Variants in MALRD1 observed in about 807,000 individuals in gnomAD.
The protein encoded by MALRD1 is MAM and LDL-receptor class A domain-containing protein 1.
In MALRD1, 247 loss-of-function variants were observed where a neutral mutation model predicts 242.1. That is an observed-to-expected ratio of 1.02 (90% CI 0.92 to 1.13). MALRD1 has a LOEUF of 1.13. MALRD1 is among the 50% of genes most tolerant of loss of function. The pLI is 0.00. For missense variants in MALRD1, 2,989 were observed against 2,533.1 expected, an observed-to-expected ratio of 1.18 and a Z score of -3.86; for synonymous variants, 995 against 866.6, an observed-to-expected ratio of 1.15 and a Z score of -2.60.
At chr10:19,610,951 A>G (rs1026542303) in intron 35 of MALRD1, among the ~76,000 whole-genome samples, 3 of 151,964 alleles carry the variant, frequency 2.0e-5, no homozygotes, top group Non-Finnish European at 2.9e-5. Context: ...GGTGATGGTG[A>G]TGGTAATTAT....
chr10:19,352,351 A>C, intron 26 of MALRD1, 54 bp downstream of exon 26: 2 of 1,472,964 alleles, frequency 1.4e-6, no homozygotes, highest in Non-Finnish European at 1.8e-6. Flanking sequence ...AAAGGTGAAA[A>C]GGAAGAAAGA....
chr10:19,366,257 G>A (rs1231608709), intron 26 of MALRD1, among the ~76,000 whole-genome samples: 1 of 151,494 alleles, frequency 6.6e-6, no homozygotes, highest in Non-Finnish European at 1.5e-5. Flanking sequence ...GGGAGGCAGT[G>A]ACAGATCATC....
intron 7 of MALRD1, among the ~76,000 whole-genome samples, chr10:19,124,878 T>A (rs1239611328): frequency 6.6e-6 from 1 of 150,904 alleles, no homozygotes; most frequent in African/African-American, 2.4e-5. Context: ...CAATATTTTT[T>A]AAGTTTTATT....
In MALRD1 at chr10:19,692,521, T is replaced by C. The variant is rs776553172; in HGVS notation, c.6281T>C (p.Leu2094Ser). 94 of 1,535,754 alleles carry C rather than the reference T, an allele frequency of 6.1e-5. No individual in the cohort carries two copies. Among genetic ancestry groups the C allele is most frequent in the Non-Finnish European group, 7.8e-5 (89 of 1,146,554 alleles). ...FLMTHITVAV[L>S]CFLANRKVPI... ...ATGACTCACATCACAGTTGCAGTCTTGTGTTTTCTTGCAAACAGAAAGGTA... is the reference window on the plus strand; with the variant it reads ...ATGACTCACATCACAGTTGCAGTCTCGTGTTTTCTTGCAAACAGAAAGGTA... The change falls in exon 38 of 40, where the codon TTG (leucine) becomes TCG (serine). Residue 2094 changes from leucine (L) to serine (S), a missense_variant. Transcript: ENST00000454679.
chr10:19,494,172 A>G (rs1384420048), intron 30 of MALRD1, among the ~76,000 whole-genome samples: 1 of 152,192 alleles, frequency 6.6e-6, no homozygotes, highest in Non-Finnish European at 1.5e-5. Context: ...ACACCAAAGT[A>G]CTTTGCTAGC....
chr10:19,443,133 T>C (rs1736570717), intron 28 of MALRD1, among the ~76,000 whole-genome samples: 1 of 152,224 alleles, frequency 6.6e-6, no homozygotes, highest in Admixed American at 6.5e-5. Context: ...TCTCTGATGG[T>C]AGTTTGTATT....
chr10:19,454,405 G>GATTATATATATATATATATATAT (rs1835508819), intron 29 of MALRD1, among the ~76,000 whole-genome samples: 3 of 80,558 alleles, frequency 3.7e-5, no homozygotes, highest in African/African-American at 1.7e-4. Context: ...TTATGCATAT[G>GATTATATATATATATATATATAT]ATATATATAT....
chr10:19,492,317 A>G (rs986859994), intron 30 of MALRD1, among the ~76,000 whole-genome samples: 1 of 152,114 alleles, frequency 6.6e-6, no homozygotes, highest in Non-Finnish European at 1.5e-5. Flanking sequence ...CATACCAGCT[A>G]CCTGTTGCAG....
intron 33 of MALRD1, among the ~76,000 whole-genome samples, chr10:19,586,834 G>T (rs576833023): frequency 6.6e-6 from 1 of 152,182 alleles, no homozygotes; most frequent in Non-Finnish European, 1.5e-5. Context: ...CCTCGCTGCC[G>T]CCTTGCAGTT....
chr10:19,078,053 CA>C (rs1354719773), intron 2 of MALRD1, among the ~76,000 whole-genome samples: 4 of 150,584 alleles, frequency 2.7e-5, no homozygotes, highest in Admixed American at 6.6e-5. Context: ...AAGTTGCTAG[CA>C]AAAAAAATGG....
intron 32 of MALRD1, among the ~76,000 whole-genome samples, chr10:19,566,298 A>ATTTTTTTTTTTTTTTTTTTTTT (rs10548629): frequency 9.0e-6 from 1 of 111,040 alleles, no homozygotes; most frequent in African/African-American, 3.3e-5. Flanking sequence ...TGCCTGGCTA[A>ATTTTTTTTTTTTTTTTTTTTTT]TTTTTTTTTT....
chr10:19,595,149 G>A, intron 33 of MALRD1, 45 bp from the exon 34 acceptor site: 2 of 1,514,236 alleles, frequency 1.3e-6, no homozygotes, highest in East Asian at 2.5e-5. Flanking sequence ...TGGATGGAGG[G>A]AAACTCCCTA....
chr10:19,242,413 ATCT>A (rs199970681), intron 18 of MALRD1, among the ~76,000 whole-genome samples: 2 of 152,136 alleles, frequency 1.3e-5, no homozygotes, highest in South Asian at 2.1e-4. Flanking sequence ...ATCAGGTGAG[ATCT>A]TCTTTACCTG....
chr10:19,558,448 G>T (rs556906712), intron 32 of MALRD1, among the ~76,000 whole-genome samples: 1 of 152,060 alleles, frequency 6.6e-6, no homozygotes, highest in South Asian at 2.1e-4. Flanking sequence ...ATCATGAATG[G>T]GTATTGCTTT....
chr10:19,048,738 T>A (rs758476305), upstream of MALRD1: 114 of 385,108 alleles, frequency 3.0e-4, no homozygotes, highest in Middle Eastern at 6.5e-4. Context: ...ATTACTCAAG[T>A]TAAATATTTT....
chr10:19,525,007 C>T (rs927041740), intron 31 of MALRD1, among the ~76,000 whole-genome samples: 13 of 151,836 alleles, frequency 8.6e-5, no homozygotes, highest in Admixed American at 5.3e-4. Context: ...TAGGTTCAAG[C>T]GATTTTCCTG....
chr10:19,538,191 C>T (rs1460149943), intron 32 of MALRD1, among the ~76,000 whole-genome samples: 1 of 152,162 alleles, frequency 6.6e-6, no homozygotes, highest in Non-Finnish European at 1.5e-5. Context: ...GCTGATTTAT[C>T]TCAGCCTTCA....
rs188434918 is a variant in MALRD1, at chr10:19,360,153, A to C, written c.4441+7856A>C. 4.4e-3 allele frequency among the ~76,000 whole-genome samples: 677 copies of C among 152,258 alleles called. 3 individuals are homozygous for C. The highest frequency in any genetic ancestry group is 7.8e-3 in the Non-Finnish European group (529 of 68,006). On this transcript the variant is annotated intron_variant, in intron 26 of 39. Transcript: ENST00000454679. Reference sequence around the variant, plus strand: ...ATAAGCAGGACATCTGACTTTCAGGAATACATTACTAAAAGTATATGAGTA... The same window carrying C: ...ATAAGCAGGACATCTGACTTTCAGGCATACATTACTAAAAGTATATGAGTA...
At chr10:19,586,569 A>G (rs547390622) in intron 33 of MALRD1, among the ~76,000 whole-genome samples, 121 of 152,320 alleles carry the variant, frequency 7.9e-4, no homozygotes, top group African/African-American at 2.8e-3. Context: ...CACTTGAGGA[A>G]GCAGTCTGCC....
Sources: allele counts gnomAD v4.1 joint callset (sites outside exome capture counted in the v4.1 genomes callset), GRCh38; gene constraint gnomAD v4.1.1; transcripts MANE v1.5; gene names NCBI Gene and HGNC (gene_info 2026-07-23, HGNC 2026-07-21).